SATB1: variants seen among roughly 807,000 people sequenced by gnomAD.
SATB1 encodes DNA-binding protein SATB1.
In SATB1, 11 loss-of-function variants were observed where a neutral mutation model predicts 86.9. The observed-to-expected ratio is 0.13, with a 90% CI of 0.08 to 0.21. The LOEUF is 0.21. Among genes scored for constraint, SATB1 ranks in the 10% least tolerant of loss-of-function variants. The probability of loss-of-function intolerance (pLI) is 1.00; values close to 1 mark genes in which losing one functional copy is unlikely to be tolerated. For missense variants in SATB1, 551 were observed against 937.6 expected, an observed-to-expected ratio of 0.59 and a Z score of 5.39; for synonymous variants, 357 against 357.2, an observed-to-expected ratio of 1.00 and a Z score of 0.01.
At chr3:18,435,084 T>C (rs1181494289) in intron 2 of SATB1, 1 of 152,158 alleles carries the variant, frequency 6.6e-6, no homozygotes, top group Non-Finnish European at 1.5e-5. Flanking sequence ...AATGAAAAAT[T>C]ACATGCCGGT....
intron 8 of SATB1, among the ~76,000 whole-genome samples, chr3:18,379,435 A>G (rs894199746): frequency 2.6e-5 from 4 of 152,160 alleles, no homozygotes; most frequent in African/African-American, 7.2e-5. Context: ...CAGTTACTTT[A>G]CAGAACTCAG....
At chr3:18,397,768 C>A (rs1697039929) in intron 5 of SATB1, among the ~76,000 whole-genome samples, 1 of 152,170 alleles carries the variant, frequency 6.6e-6, no homozygotes, top group Non-Finnish European at 1.5e-5. Context: ...GGGCCCTACC[C>A]CAGACCAGTG....
At chr3:18,392,972 C>CA (rs35399493) in intron 7 of SATB1, among the ~76,000 whole-genome samples, 24,853 of 114,602 alleles carry the variant, frequency 0.22, 2,282 homozygotes, top group East Asian at 0.43. Flanking sequence ...GACGAACGTA[C>CA]AAAAAAAAAA....
intron 8 of SATB1, among the ~76,000 whole-genome samples, chr3:18,384,532 T>C (rs1004277701): frequency 1.7e-4 from 26 of 152,044 alleles, no homozygotes; most frequent in African/African-American, 6.0e-4. Flanking sequence ...TTTATTAGTA[T>C]TGCAGATTAA....
chr3:18,350,440 A>G (rs1431020934), intron 10 of SATB1: 2 of 152,414 alleles, frequency 1.3e-5, no homozygotes, highest in Middle Eastern at 3.4e-3. Context: ...TAGTATATGT[A>G]TATGTGCTAC....
chr3:18,355,567 C>G (rs1694590058), intron 9 of SATB1, among the ~76,000 whole-genome samples: 1 of 151,982 alleles, frequency 6.6e-6, no homozygotes, highest in South Asian at 2.1e-4. Flanking sequence ...AAGTACTGTA[C>G]TAGTTTTTAA....
chr3:18,377,587 T>C (rs1027428921), intron 9 of SATB1, among the ~76,000 whole-genome samples: 10 of 152,172 alleles, frequency 6.6e-5, no homozygotes, highest in African/African-American at 2.4e-4. Flanking sequence ...TTGGACAAGT[T>C]GTAATCAATC....
At chr3:18,412,736 T>C (rs1368590923) in intron 5 of SATB1, among the ~76,000 whole-genome samples, 1 of 152,064 alleles carries the variant, frequency 6.6e-6, no homozygotes, top group African/African-American at 2.4e-5. Flanking sequence ...TTTGTCAAAC[T>C]TGGCATATAT....
chr3:18,402,689 A>G (rs1404021647), intron 5 of SATB1, among the ~76,000 whole-genome samples: 1 of 152,020 alleles, frequency 6.6e-6, no homozygotes, highest in African/African-American at 2.4e-5. Context: ...CGTTTTTTGC[A>G]CTACTTTAAA....
intron 8 of SATB1, among the ~76,000 whole-genome samples, chr3:18,381,510 TAAAAC>T (rs921664475): frequency 6.4e-4 from 98 of 152,318 alleles, no homozygotes; most frequent in South Asian, 5.6e-3. Flanking sequence ...AAAACTCCGT[TAAAAC>T]AAACAGGTTA....
At chr3:18,441,712 CAAT>C (rs1559471470), upstream of SATB1, among the ~76,000 whole-genome samples, 1 of 152,064 alleles carries the variant, frequency 6.6e-6, no homozygotes, top group Non-Finnish European at 1.5e-5. Context: ...AATATTTTTA[CAAT>C]AATGAGGAAC....
intron 6 of SATB1, among the ~76,000 whole-genome samples, 190 bp from the exon 7 acceptor site, chr3:18,395,106 C>A (rs1559431639): frequency 6.6e-6 from 1 of 152,170 alleles, no homozygotes; most frequent in Non-Finnish European, 1.5e-5. Flanking sequence ...ATTCTACAAA[C>A]TTTGGAAATG....
intron 2 of SATB1, 25 bp from the exon 3 acceptor site, chr3:18,417,103 G>GAT (rs1698155077): frequency 6.2e-7 from 1 of 1,603,102 alleles, no homozygotes; most frequent in Non-Finnish European, 8.5e-7. Flanking sequence ...AAGAAGAAGA[G>GAT]ATGGAAAACC....
chr3:18,438,129 C>T (rs1353108146), intron 1 of SATB1, among the ~76,000 whole-genome samples: 1 of 151,982 alleles, frequency 6.6e-6, no homozygotes, highest in Non-Finnish European at 1.5e-5. Context: ...AACATAAAAC[C>T]TCTTTTGCCT....
intron 8 of SATB1, 32 bp from the exon 9 acceptor site, chr3:18,378,357 T>C (rs757352138): frequency 6.2e-7 from 1 of 1,606,390 alleles, no homozygotes; most frequent in Non-Finnish European, 8.5e-7. Flanking sequence ...GCTGTCATTT[T>C]TCATTGGCTG....
chr3:18,428,840 C>G (rs904015245), upstream of SATB1, among the ~76,000 whole-genome samples: 1 of 152,096 alleles, frequency 6.6e-6, no homozygotes, highest in Non-Finnish European at 1.5e-5. Flanking sequence ...GGCAGATATC[C>G]GAACGCATTA....
upstream of SATB1, chr3:18,425,482 G>A (rs1407303738): frequency 2.0e-5 from 3 of 151,512 alleles, no homozygotes; most frequent in South Asian, 2.0e-4. Context: ...CCGGGCTGGA[G>A]GGCCGGGATT....
In SATB1 at chr3:18,397,255, A is replaced by G. The variant is rs1697012539; in HGVS notation, c.675T>C (p.Tyr225=). 2 of 1,611,276 alleles carry G rather than the reference A, an allele frequency of 1.2e-6. No individual in the cohort carries two copies. Among genetic ancestry groups the G allele is most frequent in the Admixed American group, 3.3e-5 (2 of 60,000 alleles). The change falls in exon 6 of 11, where the codon TAT becomes TAC. Residue 225 remains tyrosine (Y), a synonymous_variant. Coordinates refer to ENST00000338745, the MANE Select transcript of SATB1 (RefSeq NM_002971.6). ...MISSIVNSTY[Y]ANVSAAKCQE... ...GACATTTTGCTGCTGAGACATTTGC[A>G]TAGTAAGTACTGTTCACAATGGAAG...
At chr3:18,379,748 T>G (rs967343674) in intron 8 of SATB1, among the ~76,000 whole-genome samples, 15 of 152,166 alleles carry the variant, frequency 9.9e-5, no homozygotes, top group African/African-American at 3.1e-4. Flanking sequence ...TGGTAGATGC[T>G]TTCACCATGA....
Sources: allele counts gnomAD v4.1 joint callset (sites outside exome capture counted in the v4.1 genomes callset), GRCh38; gene constraint gnomAD v4.1.1; transcripts MANE v1.5; gene names NCBI Gene and HGNC (gene_info 2026-07-23, HGNC 2026-07-21).